The following PIP4K2A variants were observed in gnomAD, a reference collection of about 807,000 sequenced individuals.
PIP4K2A encodes the protein phosphatidylinositol-5-phosphate 4-kinase type 2 alpha.
PIP4K2A carries 14 observed loss-of-function variants against 42.9 expected under a neutral mutation model. That is an observed-to-expected ratio of 0.33 (90% confidence interval 0.22 to 0.51). The LOEUF is 0.51. PIP4K2A is among the 20% of genes least tolerant of loss of function. The pLI, the probability that PIP4K2A is intolerant of heterozygous loss-of-function variation, is 0.97. For missense variants in PIP4K2A, 434 were observed against 519.8 expected (o/e 0.83, Z 1.61); for synonymous variants, 192 against 192.2 (o/e 1.00, Z 0.01).
At chr10:22,649,835 T>C (rs1392239887) in intron 1 of PIP4K2A, among the ~76,000 whole-genome samples, 1 of 152,190 alleles carries the variant, frequency 6.6e-6, no homozygotes, top group African/African-American at 2.4e-5. Context: ...AATACTTATG[T>C]AGATTCATTC....
chr10:22,704,122 T>C (rs547622857), intron 1 of PIP4K2A, among the ~76,000 whole-genome samples: 27 of 152,220 alleles, frequency 1.8e-4, no homozygotes, highest in African/African-American at 6.3e-4. Flanking sequence ...CAATCATGAC[T>C]GTAAAATGGT....
At chr10:22,616,865 T>G (rs1838187517) in intron 1 of PIP4K2A, among the ~76,000 whole-genome samples, 1 of 152,222 alleles carries the variant, frequency 6.6e-6, no homozygotes, top group Non-Finnish European at 1.5e-5. Flanking sequence ...TCTTGTCATT[T>G]TAAAAAAGGG....
At chr10:22,687,952 A>G (rs1166441995) in intron 1 of PIP4K2A, among the ~76,000 whole-genome samples, 1 of 152,192 alleles carries the variant, frequency 6.6e-6, no homozygotes, top group Non-Finnish European at 1.5e-5. Context: ...TATAGTCACT[A>G]TTATCTCTGT....
chr10:22,537,341 A>T (rs1281877280), intron 9 of PIP4K2A, 60 bp from the exon 10 acceptor site: 1 of 1,277,876 alleles, frequency 7.8e-7, no homozygotes, highest in Non-Finnish European at 1.1e-6. Context: ...CCAAATTATT[A>T]CTCAATATCT....
At chr10:22,574,454 T>TTC (rs1837065670) in intron 4 of PIP4K2A, among the ~76,000 whole-genome samples, 1 of 151,446 alleles carries the variant, frequency 6.6e-6, no homozygotes, top group African/African-American at 2.4e-5. Flanking sequence ...GTTTTTTTTT[T>TTC]TTTTTACAAT....
chr10:22,581,133 G>A (rs150890133), intron 4 of PIP4K2A, among the ~76,000 whole-genome samples: 1,111 of 73,732 alleles, frequency 0.015, 8 homozygotes, highest in Non-Finnish European at 0.021. Flanking sequence ...CCTTTCAGCG[G>A]CTCCTTGAGT....
At chr10:22,696,371 A>G (rs1839973664) in intron 1 of PIP4K2A, among the ~76,000 whole-genome samples, 1 of 152,208 alleles carries the variant, frequency 6.6e-6, no homozygotes, top group African/African-American at 2.4e-5. Context: ...ACCATCCTAC[A>G]TGCCATCAGA....
intron 1 of PIP4K2A, among the ~76,000 whole-genome samples, chr10:22,624,742 T>A (rs561405451): frequency 6.6e-6 from 1 of 152,178 alleles, no homozygotes; most frequent in Non-Finnish European, 1.5e-5. Flanking sequence ...AGACTCAACA[T>A]TGAGTAAGAA....
intron 9 of PIP4K2A, among the ~76,000 whole-genome samples, chr10:22,539,094 C>T (rs1001379368): frequency 3.3e-5 from 5 of 152,014 alleles, no homozygotes; most frequent in African/African-American, 1.2e-4. Flanking sequence ...AAGATGGCAC[C>T]CTGCAATACA....
intron 1 of PIP4K2A, among the ~76,000 whole-genome samples, chr10:22,673,688 G>A (rs1039430520): frequency 1.3e-5 from 2 of 151,926 alleles, no homozygotes; most frequent in African/African-American, 4.8e-5. Context: ...TGTAATTGTG[G>A]ACTATTACAT....
intron 1 of PIP4K2A, among the ~76,000 whole-genome samples, chr10:22,613,990 C>G (rs1252236876): frequency 6.6e-6 from 1 of 152,180 alleles, no homozygotes; most frequent in Non-Finnish European, 1.5e-5. Context: ...CCAAGCAGCA[C>G]AGAAGAAATG....
At chr10:22,685,779 A>T (rs563950206) in intron 1 of PIP4K2A, among the ~76,000 whole-genome samples, 1 of 152,170 alleles carries the variant, frequency 6.6e-6, no homozygotes, top group South Asian at 2.1e-4. Flanking sequence ...GGAGAAAGAG[A>T]AAAGCTACCT....
At chr10:22,698,064 CCGA>C (rs1266675459) in intron 1 of PIP4K2A, among the ~76,000 whole-genome samples, 10 of 152,114 alleles carry the variant, frequency 6.6e-5, no homozygotes, top group Non-Finnish European at 8.8e-5. Context: ...TGCTTAGAGT[CCGA>C]CGAAGAAAAA....
chr10:22,673,186 T>G (rs973990516), intron 1 of PIP4K2A, among the ~76,000 whole-genome samples: 4 of 152,212 alleles, frequency 2.6e-5, no homozygotes, highest in Non-Finnish European at 5.9e-5. Flanking sequence ...GTCTTTCCCA[T>G]TACTTCCTGC....
chr10:22,577,277 C>G (rs1280707858), intron 4 of PIP4K2A, among the ~76,000 whole-genome samples: 1 of 151,712 alleles, frequency 6.6e-6, no homozygotes, highest in Non-Finnish European at 1.5e-5. Context: ...TTCCGGTAGC[C>G]CCATCTCCCA....
At chr10:22,693,545 G>C (rs1448801456) in intron 1 of PIP4K2A, among the ~76,000 whole-genome samples, 1 of 152,140 alleles carries the variant, frequency 6.6e-6, no homozygotes, top group Non-Finnish European at 1.5e-5. Flanking sequence ...AAAAACTAAA[G>C]ATGATTTCAA....
chr10:22,611,922 G>A (rs543118837), intron 1 of PIP4K2A, among the ~76,000 whole-genome samples: 1 of 152,202 alleles, frequency 6.6e-6, no homozygotes, highest in Non-Finnish European at 1.5e-5. Context: ...TTAAATGCGC[G>A]TGATGTGTTC....
At chr10:22,608,218 G>A (rs1166442257) in intron 2 of PIP4K2A, among the ~76,000 whole-genome samples, 195 bp from the exon 3 acceptor site, 1 of 152,214 alleles carries the variant, frequency 6.6e-6, no homozygotes, top group Non-Finnish European at 1.5e-5. Flanking sequence ...ATGTCTGTCT[G>A]TCTCCTTTGT....
chr10:22,582,601 T>C (rs1837304492), intron 4 of PIP4K2A, among the ~76,000 whole-genome samples: 1 of 152,212 alleles, frequency 6.6e-6, no homozygotes, highest in Middle Eastern at 3.2e-3. Flanking sequence ...TTTCATTTAA[T>C]GTTTTTGAAA....
Sources: allele counts gnomAD v4.1 joint callset (sites outside exome capture counted in the v4.1 genomes callset), GRCh38; gene constraint gnomAD v4.1.1; transcripts MANE v1.5; gene names NCBI Gene and HGNC (gene_info 2026-07-23, HGNC 2026-07-21).